CWC22: variants seen among roughly 807,000 people sequenced by gnomAD.
CWC22 encodes CWC22 spliceosome associated protein.
A neutral mutation model predicts 117.2 loss-of-function variants in CWC22; 53 were observed. That is an observed-to-expected ratio of 0.45 (90% CI 0.36 to 0.57). The LOEUF (loss-of-function observed/expected upper bound fraction) is 0.57, where lower values mean the gene tolerates loss of function less well. Among genes scored for constraint, CWC22 ranks in the 20% least tolerant of loss-of-function variants. The pLI is 0.00. For missense variants in CWC22, 980 were observed against 1,068.8 expected, an observed-to-expected ratio of 0.92 and a Z score of 1.16; for synonymous variants, 360 against 355.6, an observed-to-expected ratio of 1.01 and a Z score of -0.14.
Position 179,950,560 on chromosome 2 carries a change from TG to T in CWC22, c.2091del (p.Ser698ValfsTer20). On this transcript the variant is annotated frameshift_variant, in exon 19 of 20. Transcript: ENST00000410053. LOFTEE classifies it high-confidence loss of function. ...SDSSDSSSES[S>X]SEESDSSSIS... ...ATGGATGAAGAGTCGCTCTCTTCACTGGAAGACTCTGAACTGCTATCACTGC... is the reference window on the plus strand; with the variant it reads ...ATGGATGAAGAGTCGCTCTCTTCACTGAAGACTCTGAACTGCTATCACTGC... 1.2e-6 allele frequency: 2 copies of T among 1,613,190 alleles called. No homozygotes were observed. The highest frequency in any genetic ancestry group is 1.7e-6 in the Non-Finnish European group (2 of 1,179,398).
chr2:179,988,972 T>A (rs1029225263), intron 2 of CWC22, among the ~76,000 whole-genome samples: 2 of 151,734 alleles, frequency 1.3e-5, no homozygotes, highest in Non-Finnish European at 2.9e-5. Flanking sequence ...TTTGGTTACA[T>A]GGATAAGTTC....
At chr2:179,953,714 G>C (rs1177616214) in intron 16 of CWC22, among the ~76,000 whole-genome samples, 1 of 152,040 alleles carries the variant, frequency 6.6e-6, no homozygotes, top group Non-Finnish European at 1.5e-5. Flanking sequence ...TATGACTATA[G>C]GATATCCTCT....
chr2:179,982,601 G>T (rs918039859), intron 4 of CWC22, among the ~76,000 whole-genome samples: 20 of 152,108 alleles, frequency 1.3e-4, no homozygotes, highest in African/African-American at 4.8e-4. Flanking sequence ...TTTCTTGATA[G>T]AACTAATATT....
At chr2:180,003,860 AC>A (rs1187871217) in intron 1 of CWC22, among the ~76,000 whole-genome samples, 4 of 152,230 alleles carry the variant, frequency 2.6e-5, no homozygotes, top group Non-Finnish European at 4.4e-5. Context: ...GTATCTGTTC[AC>A]TAGGAAAGAC....
At chr2:179,995,642 C>G (rs1402311505) in intron 1 of CWC22, among the ~76,000 whole-genome samples, 1 of 152,170 alleles carries the variant, frequency 6.6e-6, no homozygotes, top group Non-Finnish European at 1.5e-5. Context: ...AATCCTTTCA[C>G]AGGTAACAAC....
chr2:179,995,011 C>T (rs575746478), intron 1 of CWC22, among the ~76,000 whole-genome samples: 7 of 152,022 alleles, frequency 4.6e-5, no homozygotes, highest in African/African-American at 7.2e-5. Context: ...CCAGCTACTC[C>T]GGAGGCTGAG....
Position 179,964,539 on chromosome 2 carries a change from T to C in CWC22, c.1397+8A>G. ...AAAAAAAGGATGAACTGAGATATGA[T>C]GCCTTACCTTGACTGAATAGCAAGA... On this transcript the variant is annotated splice_region_variant and intron_variant, in intron 13 of 19. Transcript: ENST00000410053. The C allele has an allele frequency of 6.7e-7, 1 of 1,493,230 alleles. No homozygotes were observed. The highest frequency in any genetic ancestry group is 9.2e-7 in the Non-Finnish European group (1 of 1,090,508). 92.5% of individuals were successfully genotyped at this position (1,493,230 alleles called of 1,614,324 possible).
At chr2:179,976,506 A>AC (rs35346855) in intron 6 of CWC22, among the ~76,000 whole-genome samples, 126,166 of 152,122 alleles carry the variant, frequency 0.83, 52,405 homozygotes, top group African/African-American at 0.85. Context: ...ACATTTGCAA[A>AC]CATACACCTG....
chr2:179,974,016 T>G (rs1000442285), intron 6 of CWC22, among the ~76,000 whole-genome samples: 2 of 152,208 alleles, frequency 1.3e-5, no homozygotes, highest in African/African-American at 4.8e-5. Flanking sequence ...ATGAAGATTT[T>G]ACTGCAATTT....
intron 2 of CWC22, 83 bp downstream of exon 2, chr2:179,993,232 T>G: frequency 9.6e-7 from 1 of 1,045,622 alleles, no homozygotes; most frequent in South Asian, 1.4e-5. Flanking sequence ...TCTGATGTCC[T>G]AATTACATAA....
chr2:179,951,899 A>C (rs1686459442), intron 17 of CWC22, among the ~76,000 whole-genome samples: 2 of 152,064 alleles, frequency 1.3e-5, no homozygotes, highest in Non-Finnish European at 2.9e-5. Flanking sequence ...AGAAGTGAAG[A>C]GGCATGCAGC....
intron 14 of CWC22, among the ~76,000 whole-genome samples, chr2:179,957,773 C>G (rs1256507892): frequency 6.6e-6 from 1 of 151,686 alleles, no homozygotes; most frequent in African/African-American, 2.4e-5. Flanking sequence ...ATCACCAAAG[C>G]TATGGCTCAG....
At chr2:179,981,106 A>G (rs1048024696) in intron 5 of CWC22, among the ~76,000 whole-genome samples, 14 of 152,360 alleles carry the variant, frequency 9.2e-5, no homozygotes, top group Non-Finnish European at 2.1e-4. Context: ...AAAATGTACA[A>G]AAAGAGATAA....
rs757741603 is a variant in CWC22, at chr2:179,952,601, G to A, written c.1690-3C>T. ...CTCAGTTTTATACATTCAAGAACCT[G>A]AAAATTAAAATAAAAAAAGACAAGT... On this transcript the variant is annotated splice_polypyrimidine_tract_variant and splice_region_variant and intron_variant, in intron 16 of 19. Transcript: ENST00000410053. 25 of 1,385,952 alleles carry A rather than the reference G, an allele frequency of 1.8e-5. No individual in the cohort carries two copies. The African/African-American group carries it at 3.0e-4, about 16-fold the overall frequency. The allele number at this position is 1,385,952 out of a possible 1,614,324, so 85.9% of individuals were successfully genotyped here.
chr2:179,970,881 CAAT>C, intron 9 of CWC22, 25 bp from the exon 10 acceptor site: 1 of 1,608,528 alleles, frequency 6.2e-7, no homozygotes, highest in Non-Finnish European at 8.5e-7. Context: ...AAAGAAAAGA[CAAT>C]AAAATAAGCA....
chr2:179,987,281 G>T (rs1687442443), intron 3 of CWC22, among the ~76,000 whole-genome samples: 1 of 152,138 alleles, frequency 6.6e-6, no homozygotes, highest in Non-Finnish European at 1.5e-5. Flanking sequence ...GGACAGCAAT[G>T]AGAATGGATT....
chr2:180,000,698 T>C (rs1687825581), intron 1 of CWC22, among the ~76,000 whole-genome samples: 1 of 152,174 alleles, frequency 6.6e-6, no homozygotes, highest in Non-Finnish European at 1.5e-5. Context: ...TGCAGACAGT[T>C]CTGGACATTG....
rs1209092460 is a variant in CWC22 at position 179,950,739 on chromosome 2, T to C, written c.1920-7A>G. The C allele has an allele frequency of 6.2e-7, 1 of 1,610,968 alleles. No individual in the cohort carries two copies. The highest frequency in any genetic ancestry group is 8.5e-7 in the Non-Finnish European group (1 of 1,177,380). ...ATGCTCCCGCAGTTCATCCCTAATT[T>C]AAAATATAATCTGTTAGATTCTATT... is the stretch of plus-strand genomic sequence containing the variant. On this transcript the variant is annotated splice_region_variant and splice_polypyrimidine_tract_variant and intron_variant, in intron 18 of 19. Coordinates refer to ENST00000410053, the MANE Select transcript of CWC22 (RefSeq NM_020943.3).
rs1239551464 is a variant in CWC22 at position 179,959,010 on chromosome 2, G to A, written c.1458+12C>T. ...ATATATACATTTCCTAATAGAAAAA[G>A]TATTAACATACTGTTTGGCTTTCAG... is the stretch of plus-strand genomic sequence containing the variant. On this transcript the variant is annotated intron_variant, in intron 14 of 19. Coordinates refer to ENST00000410053, the MANE Select transcript of CWC22 (RefSeq NM_020943.3). The A allele has an allele frequency of 6.6e-7, 1 of 1,505,030 alleles. No individual in the cohort carries two copies. The highest frequency in any genetic ancestry group is 9.1e-7 in the Non-Finnish European group (1 of 1,101,584). 93.2% of individuals were successfully genotyped at this position (1,505,030 alleles called of 1,614,324 possible).
Sources: gnomAD v4.1 joint callset for allele counts (sites outside exome capture counted in the v4.1 genomes callset) on GRCh38, gnomAD v4.1.1 for gene constraint, MANE v1.5 for transcripts, NCBI Gene and HGNC (gene_info 2026-07-23, HGNC 2026-07-21) for gene names.